Variants in DGKB observed in about 807,000 individuals in gnomAD.
DGKB encodes 90 kDa diacylglycerol kinase.
DGKB carries 67 observed loss-of-function variants against 114.3 expected under a neutral mutation model. The observed-to-expected ratio is 0.59, with a 90% confidence interval of 0.48 to 0.72. DGKB has a LOEUF of 0.72. DGKB is among the 30% of genes least tolerant of loss of function. DGKB has a pLI of 0.00. For synonymous variants in DGKB, 398 were observed against 323.1 expected (o/e 1.23, Z -2.49); for missense variants, 907 against 975.2 (o/e 0.93, Z 0.93).
Position 14,958,426 on chromosome 7 carries a change from A to AACACACACACACACACACAC in DGKB, c.-188+16250_-188+16269dup, listed in dbSNP as rs754087921. 1.4e-3 allele frequency among the ~76,000 whole-genome samples: 166 copies of AACACACACACACACACACAC among 122,848 alleles called. 1 individual carries two copies. Among genetic ancestry groups the AACACACACACACACACACAC allele is most frequent in the South Asian group, 2.1e-3 (7 of 3,318 alleles). The allele number at this position is 122,848 out of a possible 152,430, so 80.6% of individuals were successfully genotyped here. On this transcript the variant is annotated intron_variant, in intron 1 of 4. Transcript: ENST00000437998. ...CAAACCCCACACCAATACCTCTCCCAACACACACACACACACACACACACA... is the reference window on the plus strand; with the variant it reads ...CAAACCCCACACCAATACCTCTCCCAACACACACACACACACACACACACACACACACACACACACACACA...
At chr7:14,182,173 T>C (rs1339012773) in intron 23 of DGKB, among the ~76,000 whole-genome samples, 2 of 152,132 alleles carry the variant, frequency 1.3e-5, no homozygotes, top group African/African-American at 4.8e-5. Context: ...TTATCCACAA[T>C]ACCAAAATAT....
chr7:14,972,696 G>T (rs1410285263), intron 1 of DGKB, among the ~76,000 whole-genome samples: 2 of 150,042 alleles, frequency 1.3e-5, no homozygotes, highest in Non-Finnish European at 1.5e-5. Context: ...GACAAAATCT[G>T]CTGTTGCTTA....
At chr7:14,232,280 C>G (rs1177290711) in intron 23 of DGKB, among the ~76,000 whole-genome samples, 1 of 151,248 alleles carries the variant, frequency 6.6e-6, no homozygotes, top group Non-Finnish European at 1.5e-5. Flanking sequence ...CTCAATCCTT[C>G]AATATTTTGG....
At chr7:14,844,962 C>T (rs1309917355) in intron 1 of DGKB, among the ~76,000 whole-genome samples, 1 of 151,934 alleles carries the variant, frequency 6.6e-6, no homozygotes, top group East Asian at 1.9e-4. Flanking sequence ...CAAAAATTAG[C>T]TGGGCATGGT....
chr7:14,872,359 C>G (rs193219796), intron 1 of DGKB, among the ~76,000 whole-genome samples: 175 of 152,262 alleles, frequency 1.1e-3, no homozygotes, highest in African/African-American at 4.2e-3. Context: ...GACTCAGGAT[C>G]TCCGCAGAGC....
At chr7:14,846,215 G>GT (rs2128148200) in intron 1 of DGKB, among the ~76,000 whole-genome samples, 1 of 152,278 alleles carries the variant, frequency 6.6e-6, no homozygotes, top group African/African-American at 2.4e-5. Flanking sequence ...TACTTTGGCT[G>GT]TTGGATTTGG....
In DGKB at chr7:14,147,406, C is replaced by T. The variant is rs1486836973; in HGVS notation, c.*1725G>A. 6.6e-6 allele frequency: 1 copy of T among 152,056 alleles called. No homozygotes were observed. Among genetic ancestry groups the T allele is most frequent in the Non-Finnish European group, 1.5e-5 (1 of 67,960 alleles). The allele number at this position is 152,056 out of a possible 1,614,324, so 9.4% of individuals were successfully genotyped here. ...ATGTTCCAGGAACACTAAAAGAATA[C>T]ACTTTGTACGTAATCTTCCATTATA... On this transcript the variant is annotated 3_prime_UTR_variant, in exon 26 of 26. Coordinates refer to ENST00000402815, the MANE Select transcript of DGKB (RefSeq NM_001350709.2).
chr7:14,372,243 G>A (rs1033322816), intron 21 of DGKB, among the ~76,000 whole-genome samples: 3 of 152,172 alleles, frequency 2.0e-5, no homozygotes, highest in Non-Finnish European at 2.9e-5. Context: ...TACCACGGGA[G>A]CTGTCTGCCA....
At chr7:14,503,518 T>G (rs1786532948) in intron 20 of DGKB, among the ~76,000 whole-genome samples, 1 of 152,184 alleles carries the variant, frequency 6.6e-6, no homozygotes, top group South Asian at 2.1e-4. Context: ...TTAATTATAT[T>G]GGGAGTACCC....
chr7:14,535,736 C>T (rs1295441318), intron 20 of DGKB, among the ~76,000 whole-genome samples: 3 of 151,946 alleles, frequency 2.0e-5, no homozygotes, highest in South Asian at 2.1e-4. Context: ...TACAGGCACC[C>T]GCCACCACGC....
exon 1 of DGKB, chr7:14,974,764 G>A (rs1787692551): frequency 6.6e-6 from 1 of 151,982 alleles, no homozygotes; most frequent in South Asian, 2.1e-4. Flanking sequence ...AGCCAGTAAG[G>A]TACTAATTTA....
chr7:14,936,841 G>T (rs750336448), intron 1 of DGKB, among the ~76,000 whole-genome samples: 3 of 152,068 alleles, frequency 2.0e-5, no homozygotes, highest in Non-Finnish European at 4.4e-5. Context: ...TGTTACAAAA[G>T]GGCAGAGAAT....
intron 2 of DGKB, among the ~76,000 whole-genome samples, chr7:14,834,428 A>G (rs1846860829): frequency 6.6e-6 from 1 of 152,040 alleles, no homozygotes; most frequent in South Asian, 2.1e-4. Flanking sequence ...AAGAAATGCT[A>G]CTCCCTTGAA....
At chr7:14,625,315 A>T (rs1252022027) in intron 14 of DGKB, among the ~76,000 whole-genome samples, 1 of 152,122 alleles carries the variant, frequency 6.6e-6, no homozygotes, top group Non-Finnish European at 1.5e-5. Flanking sequence ...GAGCCTCATC[A>T]CTATTTAATT....
chr7:14,442,079 G>T (rs1266626821), intron 21 of DGKB, among the ~76,000 whole-genome samples: 1 of 151,802 alleles, frequency 6.6e-6, no homozygotes, highest in African/African-American at 2.4e-5. Context: ...TCCTTTCTTT[G>T]TAACTTCTTT....
intron 15 of DGKB, 86 bp from the exon 16 acceptor site, chr7:14,613,499 C>T (rs1805949008): frequency 2.7e-6 from 2 of 729,048 alleles, no homozygotes; most frequent in East Asian, 2.7e-5. Context: ...TTATAAAATA[C>T]CAATACGCAA....
intron 3 of DGKB, among the ~76,000 whole-genome samples, chr7:14,756,041 C>G (rs190618777): frequency 1.3e-3 from 201 of 152,028 alleles, no homozygotes; most frequent in African/African-American, 4.5e-3. Context: ...ACTGATAATT[C>G]TCATGAAATA....
intron 3 of DGKB, among the ~76,000 whole-genome samples, chr7:14,756,240 T>C (rs1239845640): frequency 6.6e-6 from 1 of 152,016 alleles, no homozygotes. Flanking sequence ...GTTGTGAATA[T>C]AAATATTAAT....
intron 21 of DGKB, among the ~76,000 whole-genome samples, chr7:14,368,336 A>G (rs529747112): frequency 6.6e-6 from 1 of 152,296 alleles, no homozygotes; most frequent in East Asian, 1.9e-4. Context: ...ATCACACAGA[A>G]TAATTTCACT....
Sources: allele counts gnomAD v4.1 joint callset (sites outside exome capture counted in the v4.1 genomes callset), GRCh38; gene constraint gnomAD v4.1.1; transcripts MANE v1.5; gene names NCBI Gene and HGNC (gene_info 2026-07-23, HGNC 2026-07-21).